The following ASPRV1 variants were observed in gnomAD, a reference collection of about 807,000 sequenced individuals.
The protein encoded by ASPRV1 is aspartic peptidase retroviral like 1.
In ASPRV1, 7 loss-of-function variants were observed where a neutral mutation model predicts 11.0. That is an observed-to-expected ratio of 0.64 (90% confidence interval 0.36 to 1.20). The LOEUF (loss-of-function observed/expected upper bound fraction) is 1.20, where lower values mean the gene tolerates loss of function less well. Among genes scored for constraint, ASPRV1 ranks in the 50% most tolerant of loss-of-function variants. The pLI, the probability that ASPRV1 is intolerant of heterozygous loss-of-function variation, is 0.02. For synonymous variants in ASPRV1, 136 were observed against 138.4 expected (o/e 0.98, Z 0.12); for missense variants, 299 against 320.0 (o/e 0.93, Z 0.50).
At chr2:69,997,404 TCTGTGCCCTGCCCCCACCACTTCTCTTC>T in the ASPRV1 span, among the ~76,000 whole-genome samples, 1 of 152,112 alleles carries the variant, frequency 6.6e-6, no homozygotes, top group Non-Finnish European at 1.5e-5. Flanking sequence ...TGTCACAATC[TCTGTGCCCTGCCCCCACCACTTCTCTTC>T]CTGTAGTCCC....
At chr2:70,030,077 T>G in the ASPRV1 span, 4 of 152,126 alleles carry the variant, frequency 2.6e-5, no homozygotes, top group African/African-American at 9.7e-5. Context: ...TTGGCAACAT[T>G]AGAAAATCCC....
At chr2:70,078,276 T>C in the ASPRV1 span, among the ~76,000 whole-genome samples, 1 of 152,336 alleles carries the variant, frequency 6.6e-6, no homozygotes, top group Admixed American at 6.5e-5. Flanking sequence ...ATTTACATTC[T>C]AGTGGGTGGT....
the ASPRV1 span, among the ~76,000 whole-genome samples, chr2:70,068,090 C>T: frequency 2.0e-5 from 3 of 152,336 alleles, no homozygotes; most frequent in African/African-American, 7.2e-5. Context: ...CCAGGCAAGC[C>T]CTGGTCACCA....
At chr2:70,021,795 C>T in the ASPRV1 span, among the ~76,000 whole-genome samples, 4 of 152,016 alleles carry the variant, frequency 2.6e-5, no homozygotes, top group African/African-American at 7.2e-5. Context: ...CTCCGCCTCC[C>T]GGGTTCATGC....
the ASPRV1 span, among the ~76,000 whole-genome samples, chr2:69,994,719 C>A: frequency 6.6e-6 from 1 of 152,126 alleles, no homozygotes; most frequent in Non-Finnish European, 1.5e-5. Flanking sequence ...CAGAATAGGA[C>A]AGGTGCAGTG....
At chr2:70,054,133 C>A in the ASPRV1 span, 1 of 150,592 alleles carries the variant, frequency 6.6e-6, no homozygotes, top group Admixed American at 6.6e-5. Flanking sequence ...AAGTTCAAGA[C>A]CAGCCTGGCC....
chr2:70,022,705 A>G, the ASPRV1 span, among the ~76,000 whole-genome samples: 1 of 151,960 alleles, frequency 6.6e-6, no homozygotes, highest in Non-Finnish European at 1.5e-5. Context: ...AAAATAACAC[A>G]AGCAAATTTT....
chr2:69,961,628 C>A lies in ASPRV1; in HGVS notation c.-192G>T. ...ACTGCTGGGGCAGAGGCAGGCAGTG[C>A]TGTGGCCTGTTCACTCTGCAGAGCC... On this transcript the variant is annotated 5_prime_UTR_variant, in exon 1 of 1. Transcript: ENST00000320256. The A allele has an allele frequency of 6.2e-7, 1 of 1,602,116 alleles. No homozygotes were observed. The highest frequency in any genetic ancestry group is 1.1e-5 in the South Asian group (1 of 89,054).
chr2:70,047,004 G>A, the ASPRV1 span, among the ~76,000 whole-genome samples: 5 of 152,110 alleles, frequency 3.3e-5, no homozygotes, highest in Non-Finnish European at 5.9e-5. Flanking sequence ...TATTGCTTAA[G>A]ACTATTAAAC....
At chr2:69,943,035 A>C in the ASPRV1 span, 1 of 151,962 alleles carries the variant, frequency 6.6e-6, no homozygotes, top group African/African-American at 2.4e-5. Context: ...TTTTTCTTTT[A>C]ATTTAAGGGA....
At chr2:69,961,649 G>A (rs188178798), upstream of ASPRV1, 49 of 1,574,464 alleles carry the variant, frequency 3.1e-5, no homozygotes, top group Middle Eastern at 1.8e-3. Context: ...TCACTCTGCA[G>A]AGCCTTTTTG....
At chr2:69,974,601 T>C in the ASPRV1 span, among the ~76,000 whole-genome samples, 1 of 152,192 alleles carries the variant, frequency 6.6e-6, no homozygotes, top group African/African-American at 2.4e-5. Flanking sequence ...CAAAACCTGA[T>C]GGCCCTGCCC....
chr2:69,957,002 A>G (rs1462391575), downstream of ASPRV1, among the ~76,000 whole-genome samples: 1 of 152,164 alleles, frequency 6.6e-6, no homozygotes, highest in Admixed American at 6.6e-5. Context: ...GATGAAAGAG[A>G]CACGGCAACT....
At chr2:70,061,347 A>T in the ASPRV1 span, among the ~76,000 whole-genome samples, 1 of 150,846 alleles carries the variant, frequency 6.6e-6, no homozygotes, top group African/African-American at 2.4e-5. Context: ...GTGAGCTGAG[A>T]TCATGCCACT....
At chr2:69,989,313 A>C in the ASPRV1 span, among the ~76,000 whole-genome samples, 1 of 152,244 alleles carries the variant, frequency 6.6e-6, no homozygotes, top group Non-Finnish European at 1.5e-5. Context: ...TTTATAAGAC[A>C]TTTAATGTCC....
At chr2:69,950,079 G>A in the ASPRV1 span, among the ~76,000 whole-genome samples, 1 of 152,152 alleles carries the variant, frequency 6.6e-6, no homozygotes, top group Non-Finnish European at 1.5e-5. Flanking sequence ...GCCTCCCAAA[G>A]TGCTAGGATT....
the ASPRV1 span, among the ~76,000 whole-genome samples, chr2:69,987,670 A>T: frequency 6.6e-6 from 1 of 151,996 alleles, no homozygotes; most frequent in African/African-American, 2.4e-5. Flanking sequence ...AGATCACTTG[A>T]GCCCATGAGT....
the ASPRV1 span, among the ~76,000 whole-genome samples, chr2:70,080,726 T>C: frequency 5.8e-3 from 885 of 152,318 alleles, 11 homozygotes; most frequent in Non-Finnish European, 6.1e-3. Context: ...CTCAATAATA[T>C]ACACTAGTGA....
At chr2:70,072,262 A>C in the ASPRV1 span, among the ~76,000 whole-genome samples, 2 of 151,548 alleles carry the variant, frequency 1.3e-5, no homozygotes, top group Non-Finnish European at 2.9e-5. Context: ...TCTACAGAAA[A>C]TTTTTAGAAT....
Sources: gnomAD v4.1 joint callset for allele counts (sites outside exome capture counted in the v4.1 genomes callset) on GRCh38, gnomAD v4.1.1 for gene constraint, MANE v1.5 for transcripts, NCBI Gene and HGNC (gene_info 2026-07-23, HGNC 2026-07-21) for gene names.